Variants in AKAP6 observed in about 807,000 individuals in gnomAD.
AKAP6 encodes A-kinase anchor protein 6.
In AKAP6, 58 loss-of-function variants were observed where a neutral mutation model predicts 188.5. That is an observed-to-expected ratio of 0.31 (90% CI 0.25 to 0.38). The LOEUF (loss-of-function observed/expected upper bound fraction) is 0.38, where lower values mean the gene tolerates loss of function less well. Among genes scored for constraint, AKAP6 ranks in the 10% least tolerant of loss-of-function variants. The pLI is 1.00. For synonymous variants in AKAP6, 989 were observed against 998.6 expected, an observed-to-expected ratio of 0.99 and a Z score of 0.18; for missense variants, 2,710 against 2,740.0, an observed-to-expected ratio of 0.99 and a Z score of 0.24.
chr14:32,545,204 GA>G (rs1341525972), intron 3 of AKAP6, 25 bp from the exon 4 acceptor site: 4 of 1,596,694 alleles, frequency 2.5e-6, no homozygotes, highest in Non-Finnish European at 3.4e-6. Flanking sequence ...TGCATTTACT[GA>G]AACCATTGCC....
intron 7 of AKAP6, among the ~76,000 whole-genome samples, chr14:32,633,106 T>C (rs1327594888): frequency 1.3e-5 from 2 of 152,104 alleles, no homozygotes; most frequent in Non-Finnish European, 2.9e-5. Context: ...ATTTTAATTG[T>C]AATGAAACAG....
At chr14:32,691,747 C>T (rs902825092) in intron 8 of AKAP6, among the ~76,000 whole-genome samples, 27 of 151,934 alleles carry the variant, frequency 1.8e-4, no homozygotes, top group African/African-American at 3.4e-4. Context: ...TTAATAGAGA[C>T]GGGGTTTCAC....
At chr14:32,529,750 A>G (rs1027281551) in intron 2 of AKAP6, among the ~76,000 whole-genome samples, 2 of 152,182 alleles carry the variant, frequency 1.3e-5, no homozygotes, top group African/African-American at 4.8e-5. Flanking sequence ...TGATTTTGAT[A>G]GTCAACTGAA....
chr14:32,559,201 A>C (rs981676027), intron 4 of AKAP6, among the ~76,000 whole-genome samples: 4 of 152,224 alleles, frequency 2.6e-5, no homozygotes, highest in Non-Finnish European at 4.4e-5. Flanking sequence ...TACAAACTAA[A>C]ATTAAGAGGC....
chr14:32,454,873 C>T (rs1262071589), intron 2 of AKAP6, among the ~76,000 whole-genome samples: 11 of 45,190 alleles, frequency 2.4e-4, no homozygotes, highest in African/African-American at 1.7e-3. Context: ...CCCTCCCTCC[C>T]TCCCTCCTTC....
rs749844699 is a variant in AKAP6 at position 32,599,555 on chromosome 14, G to A, written c.2566+49G>A. On this transcript the variant is annotated intron_variant, in intron 6 of 13. Transcript: ENST00000280979. ...AGTCTTTACGTCTCCAGACTATTAA[G>A]AATGAAGAAGCATTGCTGTAAATTA... The A allele has an allele frequency of 3.3e-5, 48 of 1,436,948 alleles. No homozygotes were observed. In the South Asian group the frequency reaches 5.7e-4, roughly 17 times the overall value. 89.0% of individuals were successfully genotyped at this position (1,436,948 alleles called of 1,614,324 possible). A position where few individuals can be genotyped will look rare whatever the true frequency, so the allele number is the denominator to read the frequency against.
intron 9 of AKAP6, among the ~76,000 whole-genome samples, chr14:32,701,907 C>G (rs1890634572): frequency 6.6e-6 from 1 of 151,980 alleles, no homozygotes; most frequent in South Asian, 2.1e-4. Context: ...AATTCATTAA[C>G]TTTTTAAAAA....
At chr14:32,410,568 C>T (rs1442323328) in intron 1 of AKAP6, among the ~76,000 whole-genome samples, 1 of 152,122 alleles carries the variant, frequency 6.6e-6, no homozygotes, top group Admixed American at 6.6e-5. Flanking sequence ...CATGGTCACT[C>T]ACGTTTGGCT....
intron 1 of AKAP6, among the ~76,000 whole-genome samples, chr14:32,404,691 G>GATAGATATATATATATATATATAT: frequency 0.011 from 505 of 44,394 alleles, 72 homozygotes; most frequent in Admixed American, 0.022. Flanking sequence ...GGAGTCAGGA[G>GATAGATATATATATATATATATAT]ATATATATAT....
chr14:32,600,845 C>T (rs1408987089), intron 7 of AKAP6, 53 bp downstream of exon 7: 1 of 1,510,012 alleles, frequency 6.6e-7, no homozygotes, highest in Non-Finnish European at 8.9e-7. Context: ...TTCTTTTGAA[C>T]TAGGCACCAC....
chr14:32,824,825 G>A lies in AKAP6; in HGVS notation c.*42+10G>A, dbSNP rs917918116. 7 of 1,548,966 alleles carry A rather than the reference G, an allele frequency of 4.5e-6. No homozygotes were observed. The highest frequency in any genetic ancestry group is 6.1e-6 in the Non-Finnish European group (7 of 1,151,140). On this transcript the variant is annotated intron_variant, in intron 13 of 13. Coordinates refer to ENST00000280979, the MANE Select transcript of AKAP6 (RefSeq NM_004274.5). Reference sequence around the variant, plus strand: ...ATCATCTCACTGAAAGGTACGTATAGTCCTCATGCCGTATATGTATTTAAA... The same window carrying A: ...ATCATCTCACTGAAAGGTACGTATAATCCTCATGCCGTATATGTATTTAAA...
At chr14:32,576,993 T>C in intron 4 of AKAP6, 127 bp from the exon 5 acceptor site, 1 of 1,025,520 alleles carries the variant, frequency 9.8e-7, no homozygotes, top group Non-Finnish European at 1.4e-6. Context: ...GAAACTAGGA[T>C]AGGAGTGCGG....
Position 32,347,554 on chromosome 14 carries a change from A to G in AKAP6, c.-35+18146A>G, listed in dbSNP as rs146889380. On this transcript the variant is annotated intron_variant, in intron 1 of 13. Coordinates refer to ENST00000280979, the MANE Select transcript of AKAP6 (RefSeq NM_004274.5). ...AGAATGAAGTATTTAAAAATAAATT[A>G]CAGAGCTTGTAACATTGGATTATCA... Among the ~76,000 whole-genome samples, 19 of 152,360 alleles carry G rather than the reference A, an allele frequency of 1.2e-4. No homozygotes were observed. In the East Asian group the frequency reaches 3.3e-3, roughly 26 times the overall value.
At chr14:32,826,560 A>G (rs533393179) in intron 13 of AKAP6, among the ~76,000 whole-genome samples, 139 of 152,288 alleles carry the variant, frequency 9.1e-4, no homozygotes, top group Non-Finnish European at 1.5e-3. Context: ...TGAGCATGAC[A>G]TCATGTGACT....
chr14:32,754,077 G>T (rs571459139), intron 11 of AKAP6, among the ~76,000 whole-genome samples: 48 of 151,752 alleles, frequency 3.2e-4, no homozygotes, highest in African/African-American at 1.1e-3. Context: ...TTGGAATTTT[G>T]ATCTGTCCAT....
chr14:32,712,420 G>A (rs954199966), intron 9 of AKAP6, among the ~76,000 whole-genome samples: 4 of 151,926 alleles, frequency 2.6e-5, no homozygotes, highest in Non-Finnish European at 5.9e-5. Context: ...AGGCAATGAA[G>A]TTTGCCACAT....
chr14:32,532,155 C>T (rs1175537431), intron 2 of AKAP6, among the ~76,000 whole-genome samples: 4 of 152,144 alleles, frequency 2.6e-5, no homozygotes, highest in Admixed American at 1.3e-4. Flanking sequence ...TTGGTGCTGT[C>T]AGTAATTTTT....
At chr14:32,569,581 G>T (rs1884375244) in intron 4 of AKAP6, among the ~76,000 whole-genome samples, 1 of 152,090 alleles carries the variant, frequency 6.6e-6, no homozygotes, top group Admixed American at 6.5e-5. Context: ...AAGGTAAATT[G>T]CATTTGAGTG....
chr14:32,672,311 G>A (rs534611828), intron 7 of AKAP6, among the ~76,000 whole-genome samples: 2 of 152,304 alleles, frequency 1.3e-5, no homozygotes, highest in Middle Eastern at 6.8e-3. Context: ...CAGATGAGAA[G>A]GCAGCATTTC....
Sources: gnomAD v4.1 joint callset for allele counts (sites outside exome capture counted in the v4.1 genomes callset) on GRCh38, gnomAD v4.1.1 for gene constraint, MANE v1.5 for transcripts, NCBI Gene and HGNC (gene_info 2026-07-23, HGNC 2026-07-21) for gene names.